MTR: variants seen among roughly 807,000 people sequenced by gnomAD.
The protein encoded by MTR is 5-methyltetrahydrofolate-homocysteine methyltransferase.
A neutral mutation model predicts 154.8 loss-of-function variants in MTR; 84 were observed. The observed-to-expected ratio is 0.54, with a 90% CI of 0.45 to 0.65. The LOEUF (loss-of-function observed/expected upper bound fraction) is 0.65. MTR is among the 30% of genes least tolerant of loss of function. The pLI is 0.00. For synonymous variants in MTR, 554 were observed against 553.9 expected (o/e 1.00, Z 0.00); for missense variants, 1,275 against 1,570.2 (o/e 0.81, Z 3.18).
rs1207914838 is a variant in MTR, at chr1:236,900,021, G to C, written c.*2377G>C. 4.4e-6 allele frequency: 1 copy of C among 226,696 alleles called. No homozygotes were observed. Among genetic ancestry groups the C allele is most frequent in the East Asian group, 1.2e-4 (1 of 8,560 alleles). 14.0% of individuals were successfully genotyped at this position (226,696 alleles called of 1,614,324 possible). On this transcript the variant is annotated 3_prime_UTR_variant, in exon 33 of 33. Transcript: ENST00000366577. Reference sequence around the variant, plus strand: ...AAAAACAATTATCCCTTACAGACTTGAACATTTGCAGACGTTATGATCTTG... The same window carrying C: ...AAAAACAATTATCCCTTACAGACTTCAACATTTGCAGACGTTATGATCTTG...
At chr1:236,871,345 C>T (rs909935060) in intron 22 of MTR, among the ~76,000 whole-genome samples, 11 of 152,162 alleles carry the variant, frequency 7.2e-5, no homozygotes, top group African/African-American at 1.2e-4. Flanking sequence ...TATCCTTCTC[C>T]GTTTCTGTTC....
At chr1:236,825,515 G>T in intron 10 of MTR, 116 bp downstream of exon 10, 1 of 1,072,500 alleles carries the variant, frequency 9.3e-7, no homozygotes, top group Non-Finnish European at 1.4e-6. Context: ...ATATAACAAA[G>T]AAAAGTTTAG....
At chr1:236,854,026 G>GGTAGGATGCTTTTGT (rs1664061718) in intron 18 of MTR, among the ~76,000 whole-genome samples, 1 of 152,182 alleles carries the variant, frequency 6.6e-6, no homozygotes, top group Non-Finnish European at 1.5e-5. Context: ...TTGAGAAAGT[G>GGTAGGATGCTTTTGT]GTAGGATGCT....
rs749974205 is a variant in MTR at position 236,899,987 on chromosome 1, A to G, written c.*2343A>G. ...CATTGTGGATGTGTAAACAGGCACC[A>G]CTGCTTTAAAAAACAATTATCCCTT... On this transcript the variant is annotated 3_prime_UTR_variant, in exon 33 of 33. Transcript: ENST00000366577. The G allele has an allele frequency of 3.9e-5, 8 of 206,848 alleles. No individual in the cohort carries two copies. Among genetic ancestry groups the G allele is most frequent in the Non-Finnish European group, 8.1e-5 (8 of 98,504 alleles). 12.8% of individuals were successfully genotyped at this position (206,848 alleles called of 1,614,324 possible).
In MTR at chr1:236,891,103, A is replaced by T. The variant is rs763294256; in HGVS notation, c.3008-30A>T. The T allele has an allele frequency of 5.6e-6, 9 of 1,611,388 alleles. No homozygotes were observed. The South Asian group carries it at 9.9e-5, about 18-fold the overall frequency. On this transcript the variant is annotated intron_variant, in intron 28 of 32. Transcript: ENST00000366577. ...TTTGATGGTTATTTTTGGCATCTTT[A>T]AGTGAATTCTAATTCTGTTTTTCTA... is the stretch of plus-strand genomic sequence containing the variant.
chr1:236,861,725 T>A (rs1664555542), intron 20 of MTR, among the ~76,000 whole-genome samples: 1 of 152,250 alleles, frequency 6.6e-6, no homozygotes, highest in African/African-American at 2.4e-5. Context: ...GAACTCTTAC[T>A]TTGATTTACA....
At position 236,891,335 on chromosome 1, in the gene MTR, G is replaced by A. The variant is rs1475482833; in HGVS notation, c.3204+6G>A. 1.2e-6 allele frequency: 2 copies of A among 1,613,770 alleles called. No homozygotes were observed. The highest frequency in any genetic ancestry group is 4.5e-5 in the East Asian group (2 of 44,878). On this transcript the variant is annotated splice_donor_region_variant and intron_variant, in intron 29 of 32. Coordinates refer to ENST00000366577, the MANE Select transcript of MTR (RefSeq NM_000254.3). ...TCTATGGGTTAAGGCAACAGGTATG[G>A]AAGGTGTACTGACAGCCAGCACACC...
At chr1:236,854,283 C>T (rs1324118317) in intron 18 of MTR, among the ~76,000 whole-genome samples, 4 of 152,164 alleles carry the variant, frequency 2.6e-5, no homozygotes, top group Non-Finnish European at 5.9e-5. Flanking sequence ...ACTGTGCCAA[C>T]GCTCACACGA....
chr1:236,860,995 A>ATGCACT, intron 19 of MTR, 130 bp from the exon 20 acceptor site: 1 of 748,410 alleles, frequency 1.3e-6, no homozygotes, highest in Middle Eastern at 3.9e-4. Flanking sequence ...GATTGAGTCC[A>ATGCACT]TGCACTCTGC....
chr1:236,805,087 G>A (rs188695512), intron 2 of MTR, among the ~76,000 whole-genome samples: 39 of 152,200 alleles, frequency 2.6e-4, no homozygotes, highest in Admixed American at 1.1e-3. Context: ...ATAAATGTGC[G>A]TATCTTGGTT....
At chr1:236,823,620 A>G (rs1662102589) in intron 8 of MTR, among the ~76,000 whole-genome samples, 1 of 152,034 alleles carries the variant, frequency 6.6e-6, no homozygotes, top group African/African-American at 2.4e-5. Context: ...GGAAGACCTC[A>G]GGCCCACCAC....
At position 236,897,008 on chromosome 1, in the gene MTR, A is replaced by G; in HGVS notation, c.3601A>G (p.Ile1201Val). 3.1e-6 allele frequency: 5 copies of G among 1,612,134 alleles called. No homozygotes were observed. The highest frequency in any genetic ancestry group is 4.2e-6 in the Non-Finnish European group (5 of 1,178,178). ...TTTCCCTGTGTTGCTCCCTCTAGGC[A>G]TTAGGTTAACAGAATCATTAGCAAT... ...RLADIEQSTG[I>V]RLTESLAMAP... The change falls in exon 32 of 33, where the codon ATT becomes GTT. Residue 1201 changes from isoleucine (I) to valine (V), a missense_variant and splice_region_variant. Coordinates refer to ENST00000366577, the MANE Select transcript of MTR (RefSeq NM_000254.3).
rs1319456936 is a variant in MTR, at chr1:236,891,113, T to C, written c.3008-20T>C. 1 of 1,613,934 alleles carries C rather than the reference T, an allele frequency of 6.2e-7. No homozygotes were observed. Among genetic ancestry groups the C allele is most frequent in the South Asian group, 1.1e-5 (1 of 91,078 alleles). ...ATTTTTGGCATCTTTAAGTGAATTC[T>C]AATTCTGTTTTTCTAATAGGTGGAG... On this transcript the variant is annotated intron_variant, in intron 28 of 32. Transcript: ENST00000366577.
chr1:236,897,533 A>C, intron 32 of MTR, 25 bp from the exon 33 acceptor site: 11 of 1,605,090 alleles, frequency 6.9e-6, no homozygotes, highest in Non-Finnish European at 9.4e-6. Context: ...TGTTGGTTTA[A>C]TAAAATGCTT....
chr1:236,813,092 A>G (rs112447535), intron 6 of MTR, among the ~76,000 whole-genome samples: 1 of 152,200 alleles, frequency 6.6e-6, no homozygotes, highest in Non-Finnish European at 1.5e-5. Flanking sequence ...GCTAGTATAA[A>G]TGCATATATC....
intron 27 of MTR, among the ~76,000 whole-genome samples, chr1:236,888,555 G>T (rs1006497097): frequency 6.6e-6 from 1 of 152,192 alleles, no homozygotes; most frequent in Non-Finnish European, 1.5e-5. Flanking sequence ...TATATTAATT[G>T]AATCCATATT....
chr1:236,859,528 T>A (rs1429354542), intron 18 of MTR, among the ~76,000 whole-genome samples: 3 of 152,204 alleles, frequency 2.0e-5, no homozygotes, highest in Admixed American at 2.0e-4. Flanking sequence ...GTTTGGAGTA[T>A]AGCTTCTCTT....
intron 12 of MTR, among the ~76,000 whole-genome samples, chr1:236,830,941 A>T (rs949016231): frequency 6.6e-6 from 1 of 152,200 alleles, no homozygotes; most frequent in Non-Finnish European, 1.5e-5. Flanking sequence ...GCTTTGGCAA[A>T]GGTCTCAAAA....
At chr1:236,816,290 T>C (rs1661587999) in intron 7 of MTR, among the ~76,000 whole-genome samples, 159 bp from the exon 8 acceptor site, 3 of 152,212 alleles carry the variant, frequency 2.0e-5, no homozygotes, top group Non-Finnish European at 4.4e-5. Flanking sequence ...ACATGTCTGT[T>C]CTGACTATTA....
Sources: allele counts gnomAD v4.1 joint callset (sites outside exome capture counted in the v4.1 genomes callset), GRCh38; gene constraint gnomAD v4.1.1; transcripts MANE v1.5; gene names NCBI Gene and HGNC (gene_info 2026-07-23, HGNC 2026-07-21).